HMCN1: variants seen among roughly 807,000 people sequenced by gnomAD.
The protein encoded by HMCN1 is hemicentin 1, also known as hemicentin-1.
HMCN1 carries 321 observed loss-of-function variants against 625.9 expected under a neutral mutation model. The ratio of observed to expected loss-of-function variants is 0.51; its 90% confidence interval spans 0.47 to 0.56. The LOEUF (loss-of-function observed/expected upper bound fraction) is 0.56, where lower values mean the gene tolerates loss of function less well. Ranked by LOEUF, HMCN1 falls within the 20% of genes least tolerant of loss-of-function variation. The pLI is 0.00. For missense variants in HMCN1, 6,588 were observed against 6,887.3 expected, an observed-to-expected ratio of 0.96 and a Z score of 1.54; for synonymous variants, 2,425 against 2,417.6, an observed-to-expected ratio of 1.00 and a Z score of -0.09.
At chr1:186,143,399 G>C (rs528663563) in intron 89 of HMCN1, among the ~76,000 whole-genome samples, 1 of 152,150 alleles carries the variant, frequency 6.6e-6, no homozygotes, top group Non-Finnish European at 1.5e-5. Context: ...GTATTCACGT[G>C]TATATAAGGA....
chr1:186,009,852 G>T (rs1653880329), intron 30 of HMCN1, among the ~76,000 whole-genome samples: 1 of 152,140 alleles, frequency 6.6e-6, no homozygotes, highest in African/African-American at 2.4e-5. Context: ...GAGTTTTGGA[G>T]GTTTGAGAGC....
At chr1:186,117,375 A>G (rs1022734920) in intron 76 of HMCN1, 84 bp from the exon 77 acceptor site, 111 of 1,482,012 alleles carry the variant, frequency 7.5e-5, no homozygotes, top group Admixed American at 5.2e-5. Context: ...CAGAGCAAAA[A>G]GAGGATGTAT....
In HMCN1 at chr1:186,166,894, C is replaced by T. The variant is rs376585659; in HGVS notation, c.15526C>T (p.Arg5176Cys). The change falls in exon 100 of 107, where the codon CGT becomes TGT. Residue 5176 changes from arginine (R) to cysteine (C), a missense_variant. Coordinates refer to ENST00000271588, the MANE Select transcript of HMCN1 (RefSeq NM_031935.3). ...NTIGSYRCVV[R>C]CGSGFRRTSD... is the part of the protein sequence containing the mutation. ...GATTGGATCTTATCGCTGTGTGGTCCGTTGTGGAAGTGGCTTTCGAAGAAC... is the reference window on the plus strand; with the variant it reads ...GATTGGATCTTATCGCTGTGTGGTCTGTTGTGGAAGTGGCTTTCGAAGAAC... 7.0e-5 allele frequency: 113 copies of T among 1,613,934 alleles called. No individual in the cohort carries two copies. Among genetic ancestry groups the T allele is most frequent in the Middle Eastern group, 1.6e-4 (1 of 6,084 alleles).
At chr1:186,173,302 A>G (rs944107507) in intron 102 of HMCN1, among the ~76,000 whole-genome samples, 5 of 152,174 alleles carry the variant, frequency 3.3e-5, no homozygotes, top group African/African-American at 4.8e-5. Context: ...GTGGTTTAGT[A>G]TAATTTAAAA....
chr1:185,894,875 T>C (rs935898723), intron 4 of HMCN1, among the ~76,000 whole-genome samples: 3 of 152,200 alleles, frequency 2.0e-5, no homozygotes, highest in Non-Finnish European at 2.9e-5. Flanking sequence ...TTTTGTTTTT[T>C]TTCCTGACAC....
chr1:185,886,125 T>C (rs1664630651), intron 4 of HMCN1, among the ~76,000 whole-genome samples: 2 of 152,148 alleles, frequency 1.3e-5, no homozygotes, highest in African/African-American at 4.8e-5. Flanking sequence ...CTCTCTTTTT[T>C]CTGCTCTGGT....
chr1:186,109,379 C>G (rs572109362), intron 71 of HMCN1, among the ~76,000 whole-genome samples: 1 of 152,270 alleles, frequency 6.6e-6, no homozygotes, highest in East Asian at 1.9e-4. Flanking sequence ...CATGCTAAAT[C>G]ATCATGCATA....
intron 6 of HMCN1, among the ~76,000 whole-genome samples, chr1:185,920,700 T>A (rs960060465): frequency 1.3e-5 from 2 of 152,164 alleles, no homozygotes; most frequent in Non-Finnish European, 2.9e-5. Flanking sequence ...AGCTATTAAG[T>A]ACCACATTGT....
chr1:186,074,817 A>T lies in HMCN1; in HGVS notation c.8216A>T (p.Asp2739Val). The change falls in exon 53 of 107, where the codon GAC (aspartate) becomes GTC (valine). Residue 2739 changes from aspartate (D) to valine (V), a missense_variant. Transcript: ENST00000271588. ...TLQIKEAQIS[D>V]TGRYTCVASN... The stretch of plus-strand genomic sequence containing the variant: ...CAAATAAAGGAGGCTCAAATATCAG[A>T]CACCGGACGATATACTTGTGTAGCA... The T allele has an allele frequency of 6.2e-7, 1 of 1,612,632 alleles. No homozygotes were observed. Among genetic ancestry groups the T allele is most frequent in the East Asian group, 2.2e-5 (1 of 44,734 alleles).
At chr1:186,166,327 A>G in intron 99 of HMCN1, 24 bp downstream of exon 99, 2 of 1,613,876 alleles carry the variant, frequency 1.2e-6, no homozygotes, top group East Asian at 4.5e-5. Context: ...TAATACACAC[A>G]TTTAAGCAAT....
chr1:186,045,074 T>C (rs143390545), intron 40 of HMCN1, among the ~76,000 whole-genome samples: 79 of 152,294 alleles, frequency 5.2e-4, no homozygotes, highest in African/African-American at 1.8e-3. Context: ...ATTGAATTGA[T>C]TTGTTCTTTA....
chr1:185,907,514 C>T (rs1666163992), intron 4 of HMCN1, among the ~76,000 whole-genome samples: 1 of 151,988 alleles, frequency 6.6e-6, no homozygotes, highest in East Asian at 1.9e-4. Flanking sequence ...CACTTCACTG[C>T]AGCCAGATGT....
intron 45 of HMCN1, among the ~76,000 whole-genome samples, chr1:186,056,166 C>T (rs922534993): frequency 6.6e-6 from 1 of 151,866 alleles, no homozygotes; most frequent in African/African-American, 2.4e-5. Flanking sequence ...TAGATGTGTA[C>T]AATTTGAACT....
At chr1:185,754,279 G>T (rs1654999812) in intron 1 of HMCN1, among the ~76,000 whole-genome samples, 1 of 152,132 alleles carries the variant, frequency 6.6e-6, no homozygotes, top group African/African-American at 2.4e-5. Flanking sequence ...GGAATGGGAA[G>T]ATGTTGGTGA....
intron 1 of HMCN1, among the ~76,000 whole-genome samples, chr1:185,780,626 T>C (rs976256051): frequency 6.6e-6 from 1 of 152,212 alleles, no homozygotes; most frequent in Non-Finnish European, 1.5e-5. Flanking sequence ...TTGTCTTTGG[T>C]TCTGTTTATA....
chr1:186,060,094 G>T (rs1657591293), intron 46 of HMCN1, among the ~76,000 whole-genome samples: 1 of 151,754 alleles, frequency 6.6e-6, no homozygotes, highest in South Asian at 2.1e-4. Context: ...ATTCAATTGG[G>T]AAAAAAAGGC....
intron 1 of HMCN1, among the ~76,000 whole-genome samples, chr1:185,836,253 CT>C (rs937761561): frequency 6.6e-6 from 1 of 151,918 alleles, no homozygotes; most frequent in African/African-American, 2.4e-5. Flanking sequence ...TGAAATTCCT[CT>C]TTTTTTTCTT....
At chr1:186,097,381 GGC>G (rs1356564962) in intron 68 of HMCN1, among the ~76,000 whole-genome samples, 1 of 151,946 alleles carries the variant, frequency 6.6e-6, no homozygotes, top group Non-Finnish European at 1.5e-5. Context: ...AGATACCGAG[GGC>G]CAACTGTGTA....
intron 97 of HMCN1, among the ~76,000 whole-genome samples, chr1:186,163,363 G>T (rs1016346272): frequency 1.3e-5 from 2 of 152,196 alleles, no homozygotes; most frequent in Non-Finnish European, 2.9e-5. Context: ...CACTTCCCGA[G>T]TGAGGCAATG....
Sources: gnomAD v4.1 joint callset for allele counts (sites outside exome capture counted in the v4.1 genomes callset) on GRCh38, gnomAD v4.1.1 for gene constraint, MANE v1.5 for transcripts, NCBI Gene and HGNC (gene_info 2026-07-23, HGNC 2026-07-21) for gene names.